HMCN1: variants seen among roughly 807,000 people sequenced by gnomAD.
The protein encoded by HMCN1 is hemicentin-1.
HMCN1 carries 321 observed loss-of-function variants against 625.9 expected under a neutral mutation model. That is an observed-to-expected ratio of 0.51 (90% CI 0.47 to 0.56). The LOEUF is 0.56. Among genes scored for constraint, HMCN1 ranks in the 20% least tolerant of loss-of-function variants. The probability of loss-of-function intolerance (pLI) is 0.00; values close to 1 mark genes in which losing one functional copy is unlikely to be tolerated. For missense variants in HMCN1, 6,588 were observed against 6,887.3 expected (o/e 0.96, Z 1.54); for synonymous variants, 2,425 against 2,417.6 (o/e 1.00, Z -0.09).
intron 36 of HMCN1, among the ~76,000 whole-genome samples, chr1:186,034,731 T>G (rs2102212327): frequency 6.6e-6 from 1 of 152,324 alleles, no homozygotes; most frequent in South Asian, 2.1e-4. Context: ...CTCACTGTTC[T>G]TAATGAAATT....
chr1:185,877,321 C>CTTTTTTTTTTTTTTTTTTTTTTTTTTTT (rs71557837), intron 4 of HMCN1, among the ~76,000 whole-genome samples: 11 of 34,910 alleles, frequency 3.2e-4, no homozygotes, highest in Non-Finnish European at 4.8e-4. Flanking sequence ...ATGTGTCTTT[C>CTTTTTTTTTTTTTTTTTTTTTTTTTTTT]TTTTTTTTTT....
chr1:185,875,244 T>C lies in HMCN1; in HGVS notation c.621+9381T>C, dbSNP rs547050100. 2.0e-5 allele frequency among the ~76,000 whole-genome samples: 3 copies of C among 152,216 alleles called. No homozygotes were observed. The South Asian group carries it at 6.2e-4, about 32-fold the overall frequency. On this transcript the variant is annotated intron_variant, in intron 4 of 106. Transcript: ENST00000271588. ...ATGTCTTATCTTATTGTTTACTGTG[T>C]AGGTATTGTTTTTAAAATAAAGGAA...
intron 6 of HMCN1, among the ~76,000 whole-genome samples, chr1:185,918,750 G>A (rs377339161): frequency 4.6e-5 from 7 of 152,068 alleles, no homozygotes; most frequent in Non-Finnish European, 8.8e-5. Flanking sequence ...CATTATGTAC[G>A]TTTAGAAATT....
intron 106 of HMCN1, among the ~76,000 whole-genome samples, chr1:186,188,256 A>G (rs1272157008): frequency 1.3e-5 from 2 of 152,188 alleles, no homozygotes; most frequent in Non-Finnish European, 2.9e-5. Flanking sequence ...CCCAGAATAT[A>G]ACATGTAACA....
chr1:185,802,876 G>A (rs1658893183), intron 1 of HMCN1, among the ~76,000 whole-genome samples: 1 of 152,044 alleles, frequency 6.6e-6, no homozygotes, highest in African/African-American at 2.4e-5. Context: ...AAGAGAATAA[G>A]GGGAACAGGG....
intron 1 of HMCN1, among the ~76,000 whole-genome samples, chr1:185,845,276 G>A (rs948826453): frequency 1.3e-5 from 2 of 152,040 alleles, no homozygotes; most frequent in East Asian, 3.9e-4. Context: ...GTAGTGCAGT[G>A]GCATGAACTC....
chr1:185,782,463 A>T (rs549358817), intron 1 of HMCN1, among the ~76,000 whole-genome samples: 1 of 152,180 alleles, frequency 6.6e-6, no homozygotes, highest in South Asian at 2.1e-4. Context: ...ACAGTTTGGC[A>T]TGTCTTTGCA....
At chr1:186,104,939 A>G (rs1190346709) in intron 69 of HMCN1, among the ~76,000 whole-genome samples, 4 of 152,236 alleles carry the variant, frequency 2.6e-5, no homozygotes, top group African/African-American at 9.6e-5. Context: ...ATGGAGACAG[A>G]AAAGTATGTG....
chr1:186,097,045 A>G (rs907185261), intron 68 of HMCN1, among the ~76,000 whole-genome samples: 4 of 152,144 alleles, frequency 2.6e-5, no homozygotes, highest in African/African-American at 7.2e-5. Flanking sequence ...AGCTAGAGCA[A>G]CAGGCAAAAA....
chr1:186,178,709 A>G lies in HMCN1; in HGVS notation c.16237A>G (p.Arg5413Gly). The part of the protein sequence containing the change: ...NSRTSLSRTR[R>G]TIRKTCPEGS... ...CAGAACATCTCTCTCCAGGACTAGA[A>G]GGACTATTAGGAAAACTTGCCCTGA... The change falls in exon 104 of 107, where the codon AGG (arginine) becomes GGG (glycine). Residue 5413 changes from arginine to glycine, a missense_variant. Physicochemically the swap from Arg to Gly is moderately radical, Grantham distance 125. Coordinates refer to ENST00000271588, the MANE Select transcript of HMCN1 (RefSeq NM_031935.3). 1 of 1,614,154 alleles carries G rather than the reference A, an allele frequency of 6.2e-7. No homozygotes were observed. The highest frequency in any genetic ancestry group is 8.5e-7 in the Non-Finnish European group (1 of 1,179,970).
chr1:185,816,061 T>G, intron 1 of HMCN1, among the ~76,000 whole-genome samples: 1 of 143,654 alleles, frequency 7.0e-6, no homozygotes. Flanking sequence ...TTGGGACCAG[T>G]AGAGCAAGGA....
chr1:186,134,167 T>C (rs1649421469), intron 86 of HMCN1, among the ~76,000 whole-genome samples: 1 of 152,154 alleles, frequency 6.6e-6, no homozygotes, highest in Admixed American at 6.5e-5. Context: ...CCAGAAGCGA[T>C]ATTTTTATTT....
chr1:185,829,022 A>G (rs1228936867), intron 1 of HMCN1, among the ~76,000 whole-genome samples: 2 of 152,158 alleles, frequency 1.3e-5, no homozygotes, highest in Non-Finnish European at 2.9e-5. Flanking sequence ...AAACTAAACT[A>G]TTAGTTAATA....
intron 4 of HMCN1, among the ~76,000 whole-genome samples, chr1:185,872,405 T>C (rs1202647594): frequency 6.6e-6 from 1 of 152,192 alleles, no homozygotes; most frequent in East Asian, 1.9e-4. Context: ...ATGTGTACTT[T>C]CCATTTGTTT....
At chr1:185,779,711 T>G (rs1472986673) in intron 1 of HMCN1, among the ~76,000 whole-genome samples, 3 of 152,256 alleles carry the variant, frequency 2.0e-5, no homozygotes. Flanking sequence ...CCTATATCTC[T>G]GTTTTGATAC....
intron 4 of HMCN1, among the ~76,000 whole-genome samples, chr1:185,897,122 C>T (rs1339409055): frequency 2.6e-5 from 4 of 152,158 alleles, no homozygotes; most frequent in African/African-American, 9.7e-5. Context: ...AAATTGCTAC[C>T]TAGGGAACAC....
intron 71 of HMCN1, among the ~76,000 whole-genome samples, chr1:186,111,705 A>G (rs1660896675): frequency 1.3e-5 from 2 of 152,230 alleles, no homozygotes. Context: ...ATACCCATAT[A>G]AAAGTTAAAA....
Position 186,189,373 on chromosome 1 carries a change from G to T in HMCN1, c.16542-139G>T, listed in dbSNP as rs564986569. The T allele has an allele frequency of 1.7e-4, 143 of 830,452 alleles. 1 individual carries two copies. The South Asian group carries it at 2.1e-3, about 12-fold the overall frequency. The allele number at this position is 830,452 out of a possible 1,614,324, so 51.4% of individuals were successfully genotyped here. On this transcript the variant is annotated intron_variant, in intron 106 of 106. Transcript: ENST00000271588. The stretch of plus-strand genomic sequence containing the variant: ...GGTTTGAGTTAGTGACACAGAAGAC[G>T]ACTGAGTCTTACCGCTTTTACAGCC...
rs1026786751 is a variant in HMCN1 at position 186,087,753 on chromosome 1, T to C, written c.9363+108T>C. 2.3e-6 allele frequency: 3 copies of C among 1,277,528 alleles called. No individual in the cohort carries two copies. In the African/African-American group the frequency reaches 4.4e-5, roughly 19 times the overall value. The allele number at this position is 1,277,528 out of a possible 1,614,324, so 79.1% of individuals were successfully genotyped here. A position where few individuals can be genotyped will look rare whatever the true frequency, so the allele number is the denominator to read the frequency against. On this transcript the variant is annotated intron_variant, in intron 60 of 106. Transcript: ENST00000271588. ...TACTACAGTGAAAAATGATTTTCAT[T>C]AAAAAAATACATAGCCAATGCCATT...
Sources: allele counts gnomAD v4.1 joint callset (sites outside exome capture counted in the v4.1 genomes callset), GRCh38; gene constraint gnomAD v4.1.1; transcripts MANE v1.5; gene names NCBI Gene and HGNC (gene_info 2026-07-23, HGNC 2026-07-21).